Variants in GALNTL6 observed in about 807,000 individuals in gnomAD.
The protein encoded by GALNTL6 is polypeptide N-acetylgalactosaminyltransferase like 6.
GALNTL6 carries 46 observed loss-of-function variants against 73.7 expected under a neutral mutation model. The observed-to-expected ratio is 0.62, with a 90% CI of 0.49 to 0.80. The LOEUF (loss-of-function observed/expected upper bound fraction) is 0.80, where lower values mean the gene tolerates loss of function less well. Ranked by LOEUF, GALNTL6 falls within the 30% of genes least tolerant of loss-of-function variation. The pLI is 0.00. For synonymous variants in GALNTL6, 259 were observed against 263.7 expected (o/e 0.98, Z 0.17); for missense variants, 604 against 755.0 (o/e 0.80, Z 2.34).
At chr4:171,870,386 C>G (rs1736105146) in intron 2 of GALNTL6, among the ~76,000 whole-genome samples, 2 of 152,144 alleles carry the variant, frequency 1.3e-5, no homozygotes. Context: ...TGTGGTAGAT[C>G]AAATGTACCC....
chr4:172,998,831 T>G (rs961943436), intron 10 of GALNTL6, among the ~76,000 whole-genome samples: 1 of 152,000 alleles, frequency 6.6e-6, no homozygotes, highest in Admixed American at 6.6e-5. Context: ...TTCCCTGGAG[T>G]TCCCCCCTCA....
chr4:172,152,168 G>A (rs772893870), intron 2 of GALNTL6, among the ~76,000 whole-genome samples: 5 of 151,950 alleles, frequency 3.3e-5, no homozygotes, highest in Non-Finnish European at 7.4e-5. Context: ...AGTAGAGACG[G>A]GGTTTCACCC....
At position 173,039,978 on chromosome 4, in the gene GALNTL6, A is replaced by G. The variant is rs749757496; in HGVS notation, c.1684A>G (p.Asn562Asp). ...TGTGAGCAACAGCTGCATGGATTGCAACCCCGCAGAGAAGAAGATTTTCAT... is the reference window on the plus strand; with the variant it reads ...TGTGAGCAACAGCTGCATGGATTGCGACCCCGCAGAGAAGAAGATTTTCAT... ...HPVSNSCMDC[N>D]PAEKKIFMAR... Residue 562 changes from asparagine to aspartate, a missense_variant, in exon 13 of 13, where the codon AAC (asparagine) becomes GAC (aspartate). Coordinates refer to ENST00000506823, the MANE Select transcript of GALNTL6 (RefSeq NM_001034845.3). 1.2e-6 allele frequency: 2 copies of G among 1,614,082 alleles called. No homozygotes were observed. The highest frequency in any genetic ancestry group is 2.2e-5 in the South Asian group (2 of 91,072).
intron 5 of GALNTL6, among the ~76,000 whole-genome samples, chr4:172,797,790 C>T (rs1460233267): frequency 6.6e-6 from 1 of 152,104 alleles, no homozygotes; most frequent in Non-Finnish European, 1.5e-5. Flanking sequence ...CCGCCAGCCT[C>T]GACCTCCCAA....
At chr4:172,870,560 G>T (rs546879011) in intron 7 of GALNTL6, among the ~76,000 whole-genome samples, 1 of 152,216 alleles carries the variant, frequency 6.6e-6, no homozygotes, top group South Asian at 2.1e-4. Flanking sequence ...TCTCTCTTTG[G>T]TCTCTTTTAT....
At chr4:172,344,797 G>A (rs1212017650) in intron 4 of GALNTL6, among the ~76,000 whole-genome samples, 1 of 152,082 alleles carries the variant, frequency 6.6e-6, no homozygotes, top group Non-Finnish European at 1.5e-5. Context: ...TCTTGTTTGA[G>A]TCTAATCATT....
At chr4:172,615,494 C>A (rs1030817809) in intron 5 of GALNTL6, among the ~76,000 whole-genome samples, 25 of 152,238 alleles carry the variant, frequency 1.6e-4, no homozygotes, top group African/African-American at 5.8e-4. Context: ...CCCCTTACTC[C>A]CTGGAGTTTA....
chr4:172,961,997 G>C (rs1267231405), intron 10 of GALNTL6, among the ~76,000 whole-genome samples: 1 of 152,230 alleles, frequency 6.6e-6, no homozygotes, highest in East Asian at 1.9e-4. Context: ...TCCGAAAAGA[G>C]AGTCAGCAAA....
chr4:171,876,772 G>A (rs769273248), intron 2 of GALNTL6, among the ~76,000 whole-genome samples: 6 of 152,208 alleles, frequency 3.9e-5, no homozygotes, highest in African/African-American at 2.4e-5. Flanking sequence ...TTTTTGTTCA[G>A]CAAGCAGAGA....
chr4:172,212,955 G>A (rs1253868836), intron 2 of GALNTL6, among the ~76,000 whole-genome samples: 1 of 151,812 alleles, frequency 6.6e-6, no homozygotes, highest in South Asian at 2.1e-4. Flanking sequence ...ACAGGCGTGA[G>A]CCACCACGCC....
intron 10 of GALNTL6, among the ~76,000 whole-genome samples, chr4:172,972,906 A>G (rs1356553281): frequency 3.3e-5 from 5 of 152,340 alleles, no homozygotes; most frequent in African/African-American, 1.2e-4. Flanking sequence ...GAAAAATAAA[A>G]TAAAAGTCAC....
At chr4:172,655,382 C>T (rs1008760608) in intron 5 of GALNTL6, among the ~76,000 whole-genome samples, 3 of 152,148 alleles carry the variant, frequency 2.0e-5, no homozygotes, top group African/African-American at 4.8e-5. Context: ...AAGCTAGTCT[C>T]GTTAGAATAT....
chr4:172,724,010 G>T (rs1161226135), intron 5 of GALNTL6, among the ~76,000 whole-genome samples: 1 of 152,102 alleles, frequency 6.6e-6, no homozygotes, highest in Non-Finnish European at 1.5e-5. Context: ...CTCTGGGTCT[G>T]GCAAAATGTC....
intron 7 of GALNTL6, among the ~76,000 whole-genome samples, chr4:172,824,491 T>C (rs545059370): frequency 6.6e-6 from 1 of 152,130 alleles, no homozygotes; most frequent in Admixed American, 6.5e-5. Context: ...TTTATATGTG[T>C]ATGTGAGTAT....
chr4:172,468,947 A>C (rs539073505), intron 5 of GALNTL6, among the ~76,000 whole-genome samples: 37 of 152,302 alleles, frequency 2.4e-4, no homozygotes, highest in Middle Eastern at 3.4e-3. Flanking sequence ...GGAGCATTAG[A>C]GGGAGACTAA....
intron 5 of GALNTL6, among the ~76,000 whole-genome samples, chr4:172,630,067 T>C (rs1027769946): frequency 1.3e-5 from 2 of 152,178 alleles, no homozygotes; most frequent in African/African-American, 2.4e-5. Flanking sequence ...CCTGAGACAA[T>C]TTTTTTCATC....
intron 2 of GALNTL6, among the ~76,000 whole-genome samples, chr4:172,173,811 G>C (rs1734907905): frequency 6.6e-6 from 1 of 152,148 alleles, no homozygotes; most frequent in Admixed American, 6.6e-5. Flanking sequence ...ATTTGAGTCA[G>C]AAGAAGCAAC....
intron 2 of GALNTL6, among the ~76,000 whole-genome samples, chr4:171,923,355 A>G (rs1220619845): frequency 1.3e-5 from 2 of 151,480 alleles, no homozygotes; most frequent in Non-Finnish European, 2.9e-5. Flanking sequence ...GTTTCACTTC[A>G]ATACCATAAC....
In GALNTL6 at chr4:171,926,857, G is replaced by A. The variant is rs374535410; in HGVS notation, c.138+112139G>A. ...TTTATTTTCTGGATACTAACTCTTC[G>A]TTAGTTTTAGCTTTTGCACATAGTT... On this transcript the variant is annotated intron_variant, in intron 2 of 12. Coordinates refer to ENST00000506823, the MANE Select transcript of GALNTL6 (RefSeq NM_001034845.3). 1.2e-4 allele frequency among the ~76,000 whole-genome samples: 19 copies of A among 152,046 alleles called. No homozygotes were observed. In the East Asian group the frequency reaches 2.7e-3, roughly 22 times the overall value.
Sources: allele counts gnomAD v4.1 joint callset (sites outside exome capture counted in the v4.1 genomes callset), GRCh38; gene constraint gnomAD v4.1.1; transcripts MANE v1.5; gene names NCBI Gene and HGNC (gene_info 2026-07-23, HGNC 2026-07-21).